TCF12: variants seen among roughly 807,000 people sequenced by gnomAD.
TCF12 encodes DNA-binding protein HTF4.
Under a neutral mutation model 86.0 loss-of-function variants are expected in TCF12, and 45 were observed. That is an observed-to-expected ratio of 0.52 (90% CI 0.41 to 0.67). The LOEUF is 0.67. TCF12 is among the 30% of genes least tolerant of loss of function. The probability of loss-of-function intolerance (pLI) is 0.00; values close to 1 mark genes in which losing one functional copy is unlikely to be tolerated. For missense variants in TCF12, 881 were observed against 859.9 expected (o/e 1.02, Z -0.31); for synonymous variants, 330 against 299.6 (o/e 1.10, Z -1.05).
chr15:57,063,334 ATGAT>A (rs1162162886), intron 3 of TCF12, among the ~76,000 whole-genome samples: 2 of 152,178 alleles, frequency 1.3e-5, no homozygotes, highest in African/African-American at 4.8e-5. Context: ...ATTAAATTGA[ATGAT>A]TGTTTGTCTT....
chr15:57,213,884 T>C (rs1032926195), intron 8 of TCF12, among the ~76,000 whole-genome samples: 4 of 152,212 alleles, frequency 2.6e-5, no homozygotes, highest in African/African-American at 9.6e-5. Context: ...GTGTCAGTCT[T>C]GAAAGCTCTT....
At chr15:57,044,710 A>T (rs1483279280) in intron 3 of TCF12, among the ~76,000 whole-genome samples, 1 of 148,820 alleles carries the variant, frequency 6.7e-6, no homozygotes, top group Non-Finnish European at 1.5e-5. Flanking sequence ...TTTTCAGGTA[A>T]TTTTTTTTTT....
chr15:57,222,506 T>G (rs899814348), intron 8 of TCF12, among the ~76,000 whole-genome samples: 8 of 151,872 alleles, frequency 5.3e-5, no homozygotes, highest in Non-Finnish European at 1.2e-4. Flanking sequence ...GCTGTATTCT[T>G]TATCATGTTG....
At chr15:57,174,609 G>T (rs543322397) in intron 6 of TCF12, among the ~76,000 whole-genome samples, 1 of 152,288 alleles carries the variant, frequency 6.6e-6, no homozygotes, top group South Asian at 2.1e-4. Flanking sequence ...CTGATGACGT[G>T]TTTGTGTACA....
intron 3 of TCF12, among the ~76,000 whole-genome samples, chr15:57,014,870 T>G (rs1281446436): frequency 2.4e-5 from 2 of 84,802 alleles, no homozygotes. Context: ...CCTTTATTAT[T>G]ATTATTATTA....
At chr15:56,980,789 G>A (rs969501252) in intron 3 of TCF12, among the ~76,000 whole-genome samples, 3 of 152,240 alleles carry the variant, frequency 2.0e-5, no homozygotes. Flanking sequence ...ATGTTTGGCT[G>A]TTTACTCATG....
intron 5 of TCF12, among the ~76,000 whole-genome samples, chr15:57,135,744 C>G (rs1473041249): frequency 1.3e-5 from 2 of 152,100 alleles, no homozygotes; most frequent in East Asian, 3.9e-4. Flanking sequence ...TGACTGTTGG[C>G]TTCTTGGTTT....
chr15:57,233,792 A>G (rs1225847246), intron 11 of TCF12, among the ~76,000 whole-genome samples: 1 of 152,078 alleles, frequency 6.6e-6, no homozygotes, highest in Admixed American at 6.6e-5. Context: ...CCCTCTTTCG[A>G]TATATTTTTT....
chr15:57,227,038 T>C (rs1370884601), intron 8 of TCF12, among the ~76,000 whole-genome samples: 1 of 152,084 alleles, frequency 6.6e-6, no homozygotes, highest in South Asian at 2.1e-4. Context: ...TTAGGATATA[T>C]AGCTATTGTC....
chr15:57,000,701 A>C (rs1201105918), intron 3 of TCF12, among the ~76,000 whole-genome samples: 4 of 152,130 alleles, frequency 2.6e-5, no homozygotes, highest in African/African-American at 9.7e-5. Context: ...AAAAACATAA[A>C]GGATGATGTT....
chr15:57,199,474 T>G (rs1392432310), intron 8 of TCF12, among the ~76,000 whole-genome samples: 1 of 152,208 alleles, frequency 6.6e-6, no homozygotes, highest in Admixed American at 6.5e-5. Flanking sequence ...GAAAAATTCA[T>G]CTCATTTCTT....
intron 10 of TCF12, 138 bp from the exon 11 acceptor site, chr15:57,232,574 T>G: frequency 6.9e-7 from 1 of 1,448,358 alleles, no homozygotes; most frequent in Non-Finnish European, 9.3e-7. Context: ...CATGCCTTTC[T>G]AAAAAATAAA....
At chr15:57,265,155 A>G (rs547597710) in intron 18 of TCF12, among the ~76,000 whole-genome samples, 1 of 151,782 alleles carries the variant, frequency 6.6e-6, no homozygotes, top group South Asian at 2.1e-4. Context: ...AACCAATAAC[A>G]TAATTAGTTA....
At chr15:57,242,166 C>T (rs1476793007) in intron 12 of TCF12, among the ~76,000 whole-genome samples, 4 of 152,100 alleles carry the variant, frequency 2.6e-5, no homozygotes, top group African/African-American at 9.7e-5. Flanking sequence ...TTCATTAGAG[C>T]TCTTAAGTTT....
At chr15:56,940,460 T>A (rs546294338) in intron 3 of TCF12, among the ~76,000 whole-genome samples, 18 of 151,800 alleles carry the variant, frequency 1.2e-4, no homozygotes, top group Non-Finnish European at 2.4e-4. Context: ...TCTTCTTTCT[T>A]CTTCCTCTTC....
intron 18 of TCF12, among the ~76,000 whole-genome samples, chr15:57,268,650 GGTCA>G (rs1417400468): frequency 1.3e-5 from 2 of 151,948 alleles, no homozygotes; most frequent in African/African-American, 4.8e-5. Flanking sequence ...GAGAAGCTGT[GGTCA>G]GTAATTTATA....
chr15:57,266,928 G>A (rs2060897105), intron 18 of TCF12, among the ~76,000 whole-genome samples: 1 of 152,164 alleles, frequency 6.6e-6, no homozygotes, highest in Non-Finnish European at 1.5e-5. Flanking sequence ...ACTTGGGAGG[G>A]TAAGGCAGGA....
At chr15:56,987,977 A>T (rs181697946) in intron 3 of TCF12, among the ~76,000 whole-genome samples, 65 of 152,360 alleles carry the variant, frequency 4.3e-4, no homozygotes, top group Admixed American at 2.2e-3. Context: ...TAAACTGGTC[A>T]TGTGATATTT....
At chr15:57,164,530 T>G (rs1307412294) in intron 5 of TCF12, among the ~76,000 whole-genome samples, 2 of 152,058 alleles carry the variant, frequency 1.3e-5, no homozygotes, top group Non-Finnish European at 2.9e-5. Context: ...AACAGCAGCA[T>G]GGGGGTAACC....
Sources: allele counts gnomAD v4.1 joint callset (sites outside exome capture counted in the v4.1 genomes callset), GRCh38; gene constraint gnomAD v4.1.1; transcripts MANE v1.5; gene names NCBI Gene and HGNC (gene_info 2026-07-23, HGNC 2026-07-21).